The following ASIC2 variants were observed in gnomAD, a reference collection of about 807,000 sequenced individuals.
ASIC2 encodes the protein acid sensing ion channel subunit 2.
A neutral mutation model predicts 57.3 loss-of-function variants in ASIC2; 25 were observed. That is an observed-to-expected ratio of 0.44 (90% CI 0.32 to 0.61). The LOEUF is 0.61. Among genes scored for constraint, ASIC2 ranks in the 20% least tolerant of loss-of-function variants. The pLI, the probability that ASIC2 is intolerant of heterozygous loss-of-function variation, is 0.06. For synonymous variants in ASIC2, 319 were observed against 307.5 expected (o/e 1.04, Z -0.39); for missense variants, 641 against 738.1 (o/e 0.87, Z 1.52).
At chr17:33,223,220 G>C (rs1401026930) in intron 1 of ASIC2, among the ~76,000 whole-genome samples, 2 of 149,802 alleles carry the variant, frequency 1.3e-5, no homozygotes, top group Admixed American at 6.7e-5. Flanking sequence ...GTCTCTCTCT[G>C]TCACTAGGCT....
chr17:33,033,144 T>C (rs9902745), intron 3 of ASIC2, among the ~76,000 whole-genome samples: 65,924 of 151,982 alleles, frequency 0.43, 14,613 homozygotes, highest in Admixed American at 0.57. Flanking sequence ...TGCAGCTGTG[T>C]AGCTGGGGCT....
intron 1 of ASIC2, among the ~76,000 whole-genome samples, chr17:33,980,108 TA>T: frequency 6.6e-6 from 1 of 151,800 alleles, no homozygotes; most frequent in African/African-American, 2.4e-5. Flanking sequence ...AATAGGAAAA[TA>T]ATAATAATAA....
chr17:33,072,527 G>A (rs1221565575), intron 3 of ASIC2, among the ~76,000 whole-genome samples: 1 of 152,196 alleles, frequency 6.6e-6, no homozygotes, highest in African/African-American at 2.4e-5. Flanking sequence ...TCTACTACGT[G>A]TCATTGCTTC....
At chr17:33,481,470 C>A (rs1223626296) in intron 1 of ASIC2, among the ~76,000 whole-genome samples, 1 of 152,078 alleles carries the variant, frequency 6.6e-6, no homozygotes. Context: ...TGCTCTGCAT[C>A]CCAATGTTTC....
chr17:33,401,818 G>A (rs1206122980), intron 1 of ASIC2, among the ~76,000 whole-genome samples: 1 of 152,314 alleles, frequency 6.6e-6, no homozygotes, highest in Non-Finnish European at 1.5e-5. Context: ...CTGGAAAGGA[G>A]AGAGCAGAGA....
At chr17:33,688,573 A>C (rs1010587633) in intron 1 of ASIC2, among the ~76,000 whole-genome samples, 1 of 152,236 alleles carries the variant, frequency 6.6e-6, no homozygotes, top group African/African-American at 2.4e-5. Flanking sequence ...GCAGGGAACA[A>C]AGCGACTGTT....
chr17:33,303,165 T>C (rs985814229), intron 1 of ASIC2, among the ~76,000 whole-genome samples: 2 of 152,116 alleles, frequency 1.3e-5, no homozygotes, highest in Admixed American at 1.3e-4. Context: ...TTCCAACATA[T>C]TGGTAATTAT....
chr17:33,490,223 T>C (rs1008961449), intron 1 of ASIC2, among the ~76,000 whole-genome samples: 2 of 152,228 alleles, frequency 1.3e-5, no homozygotes, highest in Non-Finnish European at 2.9e-5. Flanking sequence ...GCCCAAAATA[T>C]TTACTATCTG....
intron 1 of ASIC2, among the ~76,000 whole-genome samples, chr17:33,263,864 G>A (rs1909371555): frequency 6.6e-6 from 1 of 152,224 alleles, no homozygotes; most frequent in African/African-American, 2.4e-5. Context: ...ACAGAGGGTG[G>A]AGCCTCGTGA....
At chr17:33,394,715 C>A (rs1910014128) in intron 1 of ASIC2, among the ~76,000 whole-genome samples, 1 of 152,184 alleles carries the variant, frequency 6.6e-6, no homozygotes, top group Non-Finnish European at 1.5e-5. Flanking sequence ...AGACTCCTAA[C>A]TTGCTTCACC....
At chr17:33,851,565 C>T (rs1024782966) in intron 1 of ASIC2, among the ~76,000 whole-genome samples, 1 of 152,180 alleles carries the variant, frequency 6.6e-6, no homozygotes, top group African/African-American at 2.4e-5. Context: ...CTTGCTTCCG[C>T]TTATTCTAGA....
intron 1 of ASIC2, among the ~76,000 whole-genome samples, chr17:33,168,626 G>C (rs564925076): frequency 1.3e-5 from 2 of 152,314 alleles, no homozygotes; most frequent in East Asian, 3.9e-4. Flanking sequence ...TTGTGTCCTA[G>C]GACTTTGTGG....
In ASIC2 at chr17:33,853,785, C is replaced by T. The variant is rs73288647; in HGVS notation, c.555+302193G>A. Among the ~76,000 whole-genome samples the T allele has an allele frequency of 7.2e-3, 1,098 of 152,220 alleles. 14 individuals are homozygous for T. Among genetic ancestry groups the T allele is most frequent in the African/African-American group, 0.025 (1,035 of 41,534 alleles). ...TGGTCTAGAGTGGATGTTCATTAAACGCTGATTTGATAAGTAAGAGGGCAC... is the reference window on the plus strand; with the variant it reads ...TGGTCTAGAGTGGATGTTCATTAAATGCTGATTTGATAAGTAAGAGGGCAC... On this transcript the variant is annotated intron_variant, in intron 1 of 9. Transcript: ENST00000359872.
In ASIC2 at chr17:33,423,865, G is replaced by A. The variant is rs571289882; in HGVS notation, c.556-311798C>T. Among the ~76,000 whole-genome samples the A allele has an allele frequency of 2.0e-5, 3 of 152,332 alleles. No individual in the cohort carries two copies. The East Asian group carries it at 5.8e-4, about 29-fold the overall frequency. On this transcript the variant is annotated intron_variant, in intron 1 of 9. Coordinates refer to the ASIC2 transcript ENST00000359872. ...GGGCAGGGGCTGCTCATTCACAGGG[G>A]CAGCAAGAAGGTTCAGGATGCTTAG...
chr17:33,995,687 C>G (rs1261036713), intron 1 of ASIC2, among the ~76,000 whole-genome samples: 1 of 152,030 alleles, frequency 6.6e-6, no homozygotes, highest in African/African-American at 2.4e-5. Context: ...TACACACACA[C>G]AAATGCACGT....
At chr17:33,685,373 C>T (rs1227262392) in intron 1 of ASIC2, among the ~76,000 whole-genome samples, 2 of 152,152 alleles carry the variant, frequency 1.3e-5, no homozygotes, top group African/African-American at 4.8e-5. Context: ...GTGTGGCCCT[C>T]AACAGCCAGA....
chr17:33,017,778 G>T (rs994215018), intron 7 of ASIC2, 94 bp from the exon 8 acceptor site: 7 of 1,183,968 alleles, frequency 5.9e-6, no homozygotes, highest in Non-Finnish European at 7.3e-6. Context: ...TCTGAATGGC[G>T]CCCCCTCCAT....
intron 1 of ASIC2, among the ~76,000 whole-genome samples, chr17:33,581,816 T>C (rs1039837374): frequency 7.2e-5 from 11 of 152,214 alleles, no homozygotes; most frequent in Non-Finnish European, 1.3e-4. Context: ...ATCTGAGACA[T>C]TGAGTAGCCT....
chr17:34,042,835 T>C (rs1337528509), intron 1 of ASIC2, among the ~76,000 whole-genome samples: 2 of 152,218 alleles, frequency 1.3e-5, no homozygotes. Flanking sequence ...AGGACATGCA[T>C]TGGAATGTTT....
Sources: allele counts gnomAD v4.1 joint callset (sites outside exome capture counted in the v4.1 genomes callset), GRCh38; gene constraint gnomAD v4.1.1; transcripts MANE v1.5; gene names NCBI Gene and HGNC (gene_info 2026-07-23, HGNC 2026-07-21).